Variants in PLEKHA6 observed in about 807,000 individuals in gnomAD.
PLEKHA6 encodes the protein pleckstrin homology domain containing A6.
A neutral mutation model predicts 116.7 loss-of-function variants in PLEKHA6; 60 were observed. The ratio of observed to expected loss-of-function variants is 0.51; its 90% confidence interval spans 0.42 to 0.64. The LOEUF is 0.64. Ranked by LOEUF, PLEKHA6 falls within the 30% of genes least tolerant of loss-of-function variation. The pLI is 0.00. For missense variants in PLEKHA6, 1,338 were observed against 1,422.7 expected (o/e 0.94, Z 0.96); for synonymous variants, 489 against 556.1 (o/e 0.88, Z 1.70).
chr1:204,364,900 G>T (rs1481181184), upstream of PLEKHA6, among the ~76,000 whole-genome samples: 1 of 152,212 alleles, frequency 6.6e-6, no homozygotes, highest in Non-Finnish European at 1.5e-5. Flanking sequence ...TCCAGTTGGA[G>T]AGTTACTAAT....
intron 1 of PLEKHA6, among the ~76,000 whole-genome samples, chr1:204,329,267 C>G (rs1330375947): frequency 2.6e-5 from 4 of 152,168 alleles, no homozygotes; most frequent in Admixed American, 1.3e-4. Flanking sequence ...GAAAGCAATG[C>G]AAAGGACTCT....
chr1:204,308,121 G>A (rs1303835268), intron 1 of PLEKHA6, among the ~76,000 whole-genome samples: 1 of 152,216 alleles, frequency 6.6e-6, no homozygotes, highest in African/African-American at 2.4e-5. Flanking sequence ...GGTGAGACTA[G>A]GAAGGGACTG....
At chr1:204,318,744 G>A (rs1056619642) in intron 1 of PLEKHA6, among the ~76,000 whole-genome samples, 27 of 152,194 alleles carry the variant, frequency 1.8e-4, no homozygotes, top group African/African-American at 3.6e-4. Flanking sequence ...TTAAGTACTC[G>A]TTTAATTTGA....
intron 1 of PLEKHA6, among the ~76,000 whole-genome samples, chr1:204,351,971 G>C (rs1035192433): frequency 1.6e-4 from 24 of 152,196 alleles, no homozygotes; most frequent in African/African-American, 5.6e-4. Flanking sequence ...CTACTCAGGA[G>C]GCTGAGGCAA....
intron 1 of PLEKHA6, among the ~76,000 whole-genome samples, chr1:204,344,530 G>A (rs1017193135): frequency 2.6e-5 from 4 of 151,120 alleles, no homozygotes; most frequent in African/African-American, 9.8e-5. Flanking sequence ...AACCCGGGAG[G>A]CAGAGGTTGC....
In PLEKHA6 at chr1:204,228,312, A is replaced by G; in HGVS notation, c.2886-84T>C. 1 of 1,332,800 alleles carries G rather than the reference A, an allele frequency of 7.5e-7. No homozygotes were observed. Among genetic ancestry groups the G allele is most frequent in the East Asian group, 2.3e-5 (1 of 42,608 alleles). The allele number at this position is 1,332,800 out of a possible 1,614,324, so 82.6% of individuals were successfully genotyped here. ...AGGGGGCCTGCGGACTGAGGTTGGC[A>G]GGGAGGGCCAGGGCCCCGTGAATGT... On this transcript the variant is annotated intron_variant, in intron 20 of 22. Transcript: ENST00000272203. This position sits in a 1 kb window ranked among gnomAD's most constrained non-coding sequence, Gnocchi z 4.0.
intron 1 of PLEKHA6, among the ~76,000 whole-genome samples, chr1:204,305,934 C>T (rs1348330660): frequency 3.9e-5 from 6 of 152,116 alleles, no homozygotes; most frequent in African/African-American, 1.4e-4. Flanking sequence ...TACATTTCTC[C>T]CACTATATTC....
rs1275329687 is a variant in PLEKHA6 at position 204,221,164 on chromosome 1, A to C, written c.*1624T>G. The stretch of plus-strand genomic sequence containing the variant: ...GGCTGTAATCCCTCAGAAACATGAG[A>C]ATATCCTAAGCACCTACAACAGTGC... On this transcript the variant is annotated 3_prime_UTR_variant, in exon 23 of 23. Transcript: ENST00000272203. 6.5e-6 allele frequency: 1 copy of C among 152,674 alleles called. No homozygotes were observed. The highest frequency in any genetic ancestry group is 1.9e-4 in the East Asian group (1 of 5,196). 9.5% of individuals were successfully genotyped at this position (152,674 alleles called of 1,614,324 possible).
intron 17 of PLEKHA6, among the ~76,000 whole-genome samples, chr1:204,232,019 G>A (rs1661259870): frequency 6.6e-6 from 1 of 152,176 alleles, no homozygotes; most frequent in Non-Finnish European, 1.5e-5. Flanking sequence ...AATGCTGGTA[G>A]AAATATGAAT....
chr1:204,358,987 T>G (rs1673493771), intron 1 of PLEKHA6, among the ~76,000 whole-genome samples: 1 of 136,864 alleles, frequency 7.3e-6, no homozygotes, highest in Admixed American at 7.8e-5. Context: ...GTCCCCCAAC[T>G]GTCCTCCTTT....
At chr1:204,270,125 T>C (rs565457823) in intron 3 of PLEKHA6, among the ~76,000 whole-genome samples, 1 of 152,302 alleles carries the variant, frequency 6.6e-6, no homozygotes, top group Admixed American at 6.5e-5. Flanking sequence ...TCTTAACCTT[T>C]CTGACTTTCC....
Position 204,257,499 on chromosome 1 carries a change from G to A in PLEKHA6, c.1378C>T (p.Pro460Ser), listed in dbSNP as rs1665487880. 1 of 1,584,672 alleles carries A rather than the reference G, an allele frequency of 6.3e-7. No homozygotes were observed. The highest frequency in any genetic ancestry group is 1.3e-5 in the African/African-American group (1 of 74,588). ...GCACGGCTGTAGGAGCCCTGGCTGGGTGAGCGGGGCACAGAGTGGGAGCGG... is the reference window on the plus strand; with the variant it reads ...GCACGGCTGTAGGAGCCCTGGCTGGATGAGCGGGGCACAGAGTGGGAGCGG... ...QPRSHSVPRS[P>S]SQGSYSRARI... The change falls in exon 9 of 23, where the codon CCC becomes TCC. Residue 460 changes from proline to serine, a missense_variant. Around this residue, in one of 3 missense-constraint regions of PLEKHA6, gnomAD observed 1,136 missense variants for 1,163.6 expected, o/e 0.98. Transcript: ENST00000272203. The surrounding 1 kb of genome is among the most constrained non-coding windows in gnomAD (Gnocchi z 6.5).
In PLEKHA6 at chr1:204,228,700, G is replaced by A; in HGVS notation, c.2885+28C>T. ...GTCCTAGGTGCCAGGGTGAGCAGAG[G>A]AAGTAGAGGCTCACCCAGGCTGGTT... On this transcript the variant is annotated intron_variant, in intron 20 of 22. Transcript: ENST00000272203. This position sits in a 1 kb window ranked among gnomAD's most constrained non-coding sequence, Gnocchi z 4.0. The A allele has an allele frequency of 6.2e-7, 1 of 1,609,262 alleles. No individual in the cohort carries two copies. The highest frequency in any genetic ancestry group is 1.3e-5 in the African/African-American group (1 of 74,932).
At chr1:204,229,458 A>G (rs550263166) in intron 18 of PLEKHA6, among the ~76,000 whole-genome samples, 25 of 152,324 alleles carry the variant, frequency 1.6e-4, no homozygotes, top group Middle Eastern at 6.8e-3. Flanking sequence ...CTGTCACTCT[A>G]GCTGGAGTAC....
intron 1 of PLEKHA6, among the ~76,000 whole-genome samples, chr1:204,355,276 C>T (rs774360134): frequency 1.1e-4 from 16 of 152,206 alleles, no homozygotes; most frequent in Non-Finnish European, 1.8e-4. Flanking sequence ...CATATGTAAC[C>T]TCATTTATCT....
rs1441012397 is a variant in PLEKHA6, at chr1:204,273,647, A to T, written c.81T>A (p.Pro27=). Residue 27 remains proline (P), a synonymous_variant, in exon 3 of 23, where the codon CCT becomes CCA. Coordinates refer to ENST00000272203, the MANE Select transcript of PLEKHA6 (RefSeq NM_014935.5). ...IPNHNMVSEV[P]PERPSVRATR... is the part of the protein sequence containing the mutation. The stretch of plus-strand genomic sequence containing the variant: ...TTACCCGGACGCTGGGCCGCTCTGG[A>T]GGGACCTCGGACACCATGTTGTGGT... The T allele has an allele frequency of 1.9e-6, 3 of 1,613,966 alleles. No individual in the cohort carries two copies. The South Asian group carries it at 3.3e-5, about 18-fold the overall frequency.
intron 3 of PLEKHA6, among the ~76,000 whole-genome samples, chr1:204,366,349 C>A (rs6675826): frequency 6.8e-6 from 1 of 147,338 alleles, no homozygotes; most frequent in Admixed American, 6.8e-5. Flanking sequence ...GAAAGGAAGA[C>A]GAAGAAGGAG....
At chr1:204,359,518 C>T in intron 1 of PLEKHA6, 176 bp downstream of exon 1, 1 of 697,932 alleles carries the variant, frequency 1.4e-6, no homozygotes, top group Non-Finnish European at 1.8e-6. Flanking sequence ...CTATAATTAG[C>T]ATTCTCAGCA....
At chr1:204,349,107 C>A (rs1179009559) in intron 1 of PLEKHA6, among the ~76,000 whole-genome samples, 1 of 152,204 alleles carries the variant, frequency 6.6e-6, no homozygotes, top group Non-Finnish European at 1.5e-5. Flanking sequence ...CAGTCCCAGC[C>A]TCTGCAGTCC....
Sources: allele counts gnomAD v4.1 joint callset (sites outside exome capture counted in the v4.1 genomes callset), GRCh38; gene constraint gnomAD v4.1.1; regional missense constraint gnomAD v4.1.1; non-coding constraint Gnocchi (gnomAD v3.1); transcripts MANE v1.5; gene names NCBI Gene and HGNC (gene_info 2026-07-23, HGNC 2026-07-21).